Variants in ASCC3 observed in about 807,000 individuals in gnomAD.
ASCC3 encodes activating signal cointegrator 1 complex subunit 3, also known as ASC-1 complex subunit P200.
In ASCC3, 158 loss-of-function variants were observed where a neutral mutation model predicts 256.3. The ratio of observed to expected loss-of-function variants is 0.62; its 90% CI spans 0.54 to 0.70. The LOEUF (loss-of-function observed/expected upper bound fraction) is 0.70. Among genes scored for constraint, ASCC3 ranks in the 30% least tolerant of loss-of-function variants. The pLI is 0.00. For synonymous variants in ASCC3, 948 were observed against 883.4 expected, an observed-to-expected ratio of 1.07 and a Z score of -1.30; for missense variants, 2,259 against 2,626.0, an observed-to-expected ratio of 0.86 and a Z score of 3.05.
chr6:100,515,564 C>G (rs1388882082), intron 39 of ASCC3, among the ~76,000 whole-genome samples: 1 of 152,072 alleles, frequency 6.6e-6, no homozygotes, highest in Non-Finnish European at 1.5e-5. Context: ...TTTGGTCTTC[C>G]TAAAGATTGC....
chr6:100,545,024 C>T (rs1344990608), intron 36 of ASCC3, among the ~76,000 whole-genome samples: 2 of 152,046 alleles, frequency 1.3e-5, no homozygotes, highest in Non-Finnish European at 2.9e-5. Context: ...ATATAATTCA[C>T]CTTATAAATA....
chr6:100,540,476 A>G (rs1775402133), intron 36 of ASCC3, 89 bp from the exon 37 acceptor site: 2 of 1,132,030 alleles, frequency 1.8e-6, no homozygotes. Flanking sequence ...AACATGGCTC[A>G]GAAAAATCAT....
intron 11 of ASCC3, among the ~76,000 whole-genome samples, chr6:100,721,439 C>A (rs1303841493): frequency 1.3e-5 from 2 of 151,698 alleles, no homozygotes; most frequent in African/African-American, 2.4e-5. Context: ...TTGTGTAAAT[C>A]ATGCCCTGAA....
chr6:100,753,749 A>G (rs1260185106), intron 10 of ASCC3, among the ~76,000 whole-genome samples: 1 of 152,148 alleles, frequency 6.6e-6, no homozygotes, highest in African/African-American at 2.4e-5. Context: ...ATTTTGAAAC[A>G]AGCAATCTTA....
intron 36 of ASCC3, among the ~76,000 whole-genome samples, chr6:100,541,244 G>A (rs1332031061): frequency 6.6e-6 from 1 of 151,500 alleles, no homozygotes. Context: ...TATTCAAACA[G>A]GGGCTGGATT....
At chr6:100,700,902 T>C (rs188568347) in intron 13 of ASCC3, among the ~76,000 whole-genome samples, 1 of 152,312 alleles carries the variant, frequency 6.6e-6, no homozygotes, top group East Asian at 1.9e-4. Flanking sequence ...GACTTTGGAC[T>C]GCGGGCTTTT....
chr6:100,750,260 A>T (rs1429474502), intron 10 of ASCC3, among the ~76,000 whole-genome samples: 2 of 152,074 alleles, frequency 1.3e-5, no homozygotes, highest in African/African-American at 2.4e-5. Context: ...ATTTAATAAA[A>T]TAACCTTAAA....
At position 100,684,644 on chromosome 6, in the gene ASCC3, G is replaced by A. The variant is rs1777469027; in HGVS notation, c.2152-4892C>T. Among the ~76,000 whole-genome samples the A allele has an allele frequency of 2.0e-5, 3 of 151,998 alleles. No individual in the cohort carries two copies. The South Asian group carries it at 6.2e-4, about 32-fold the overall frequency. ...ACAACTATGCACTTGTTTATTACTC[G>A]TTTACATGCATATGTGCGTGTGTGT... On this transcript the variant is annotated intron_variant, in intron 13 of 41. Coordinates refer to ENST00000369162, the MANE Select transcript of ASCC3 (RefSeq NM_006828.4).
At chr6:100,614,306 G>A (rs1773549938) in intron 30 of ASCC3, among the ~76,000 whole-genome samples, 1 of 152,118 alleles carries the variant, frequency 6.6e-6, no homozygotes, top group African/African-American at 2.4e-5. Context: ...AATTAAATTT[G>A]TGAAGGATCA....
rs892102211 is a variant in ASCC3 at position 100,858,760 on chromosome 6, T to A, written c.241+5304A>T. The A allele has an allele frequency of 8.2e-5, 76 of 925,920 alleles. No individual in the cohort carries two copies. The Middle Eastern group carries it at 1.4e-3, about 18-fold the overall frequency. The allele number at this position is 925,920 out of a possible 1,614,324, so 57.4% of individuals were successfully genotyped here. A position where few individuals can be genotyped will look rare whatever the true frequency, so the allele number is the denominator to read the frequency against. On this transcript the variant is annotated intron_variant, in intron 3 of 41. Transcript: ENST00000369162. ...TATGCTTCTCCTGAGATTTAGGATATCCTCTTACATAGCCACAACATTATC... is the reference window on the plus strand; with the variant it reads ...TATGCTTCTCCTGAGATTTAGGATAACCTCTTACATAGCCACAACATTATC...
chr6:100,679,820 A>G lies in ASCC3; in HGVS notation c.2152-68T>C, dbSNP rs1031551075. ...AAATTACAGCTTAATAGTAGCCTGGATATCATTCCATATAAACAACTATTA... is the reference window on the plus strand; with the variant it reads ...AAATTACAGCTTAATAGTAGCCTGGGTATCATTCCATATAAACAACTATTA... On this transcript the variant is annotated intron_variant, in intron 13 of 41. Transcript: ENST00000369162. The G allele has an allele frequency of 2.7e-6, 4 of 1,488,530 alleles. No homozygotes were observed. The African/African-American group carries it at 5.5e-5, about 21-fold the overall frequency. 92.2% of individuals were successfully genotyped at this position (1,488,530 alleles called of 1,614,324 possible).
chr6:100,710,738 G>T (rs561337625), intron 13 of ASCC3, among the ~76,000 whole-genome samples: 33 of 152,248 alleles, frequency 2.2e-4, no homozygotes, highest in African/African-American at 7.2e-4. Context: ...ATCTAAAATA[G>T]AAGATATAAC....
chr6:100,859,046 T>A, intron 3 of ASCC3: 1 of 750,008 alleles, frequency 1.3e-6, no homozygotes, highest in Non-Finnish European at 2.5e-6. Flanking sequence ...CAGATTAAAT[T>A]CCTTTAATAG....
intron 4 of ASCC3, among the ~76,000 whole-genome samples, chr6:100,825,424 T>C (rs959570080): frequency 7.9e-5 from 12 of 152,180 alleles, no homozygotes; most frequent in African/African-American, 2.9e-4. Flanking sequence ...TGATTCTTCA[T>C]CTAAGTTCCT....
intron 21 of ASCC3, 143 bp from the exon 22 acceptor site, chr6:100,646,912 G>T: frequency 1.1e-6 from 1 of 915,378 alleles, no homozygotes; most frequent in Non-Finnish European, 1.7e-6. Context: ...TTCTTGACCT[G>T]GCATGTTTGA....
At chr6:100,519,376 T>C (rs1774191463) in intron 37 of ASCC3, among the ~76,000 whole-genome samples, 2 of 152,052 alleles carry the variant, frequency 1.3e-5, no homozygotes, top group Non-Finnish European at 2.9e-5. Context: ...TATTTATATA[T>C]GTGTGTGTGT....
intron 38 of ASCC3, among the ~76,000 whole-genome samples, chr6:100,516,956 G>A (rs982905594): frequency 3.3e-5 from 5 of 151,952 alleles, no homozygotes; most frequent in South Asian, 2.1e-4. Context: ...CCTAATGTGC[G>A]TTCTTTACTG....
In ASCC3 at chr6:100,659,084, A is replaced by G. The variant is rs561920389; in HGVS notation, c.2703+2722T>C. Among the ~76,000 whole-genome samples the G allele has an allele frequency of 1.3e-4, 20 of 151,502 alleles. No homozygotes were observed. In the South Asian group the frequency reaches 4.2e-3, roughly 31 times the overall value. On this transcript the variant is annotated intron_variant, in intron 16 of 41. Transcript: ENST00000369162. ...CATAACATGTTTGCATTGAAATTAT[A>G]ACTTAATATAATAATTTCTCCAGTT...
At chr6:100,584,488 G>A (rs1231814154) in intron 36 of ASCC3, among the ~76,000 whole-genome samples, 2 of 152,138 alleles carry the variant, frequency 1.3e-5, no homozygotes, top group East Asian at 1.9e-4. Flanking sequence ...GTCTCTGCAC[G>A]TGAGATGGGT....
Sources: allele counts gnomAD v4.1 joint callset (sites outside exome capture counted in the v4.1 genomes callset), GRCh38; gene constraint gnomAD v4.1.1; transcripts MANE v1.5; gene names NCBI Gene and HGNC (gene_info 2026-07-23, HGNC 2026-07-21).